The following TRIM9 variants were observed in gnomAD, a reference collection of about 807,000 sequenced individuals.
The protein encoded by TRIM9 is tripartite motif containing 9.
Under a neutral mutation model 78.3 loss-of-function variants are expected in TRIM9, and 26 were observed. The ratio of observed to expected loss-of-function variants is 0.33; its 90% CI spans 0.24 to 0.46. The LOEUF (loss-of-function observed/expected upper bound fraction) is 0.46. Among genes scored for constraint, TRIM9 ranks in the 20% least tolerant of loss-of-function variants. The pLI is 1.00. For synonymous variants in TRIM9, 398 were observed against 416.5 expected (o/e 0.96, Z 0.54); for missense variants, 787 against 1,036.4 (o/e 0.76, Z 3.30).
Position 51,058,188 on chromosome 14 carries a change from G to A in TRIM9, c.823-32828C>T, listed in dbSNP as rs2061039797. 2.6e-5 allele frequency among the ~76,000 whole-genome samples: 4 copies of A among 152,172 alleles called. No individual in the cohort carries two copies. The South Asian group carries it at 8.3e-4, about 32-fold the overall frequency. On this transcript the variant is annotated intron_variant, in intron 1 of 12. Coordinates refer to ENST00000684578, the MANE Select transcript of TRIM9 (RefSeq NM_001387360.1). ...CTAGTCAGTCTCCCAGAGTAGTCCT[G>A]AGAGTGTCCCTGCATTACAGGATGG... is the stretch of plus-strand genomic sequence containing the variant.
intron 1 of TRIM9, among the ~76,000 whole-genome samples, chr14:51,034,032 A>G (rs1055191756): frequency 8.5e-5 from 13 of 152,212 alleles, no homozygotes; most frequent in Non-Finnish European, 1.3e-4. Flanking sequence ...CTCTGACCAT[A>G]ATCTATTAAA....
At chr14:51,024,741 T>C (rs1032900418) in intron 2 of TRIM9, among the ~76,000 whole-genome samples, 4 of 150,674 alleles carry the variant, frequency 2.7e-5, no homozygotes, top group African/African-American at 9.8e-5. Flanking sequence ...AGCATTATTG[T>C]GGGTCAGGGA....
At chr14:50,980,276 A>T (rs1239387302) in intron 11 of TRIM9, among the ~76,000 whole-genome samples, 1 of 152,230 alleles carries the variant, frequency 6.6e-6, no homozygotes, top group Non-Finnish European at 1.5e-5. Context: ...ACCTGCATAC[A>T]AATGCCATTT....
chr14:50,975,307 A>G lies in TRIM9; in HGVS notation c.*1984T>C, dbSNP rs181972423. The stretch of plus-strand genomic sequence containing the variant: ...ATTTATTGGCACATCAGAAATGACA[A>G]TTTTTTCTAGTATAGTAGTTGTATG... On this transcript the variant is annotated 3_prime_UTR_variant, in exon 13 of 13. Transcript: ENST00000684578. The G allele has an allele frequency of 1.3e-5, 2 of 152,638 alleles. No homozygotes were observed. The highest frequency in any genetic ancestry group is 4.8e-5 in the African/African-American group (2 of 41,454). The allele number at this position is 152,638 out of a possible 1,614,324, so 9.5% of individuals were successfully genotyped here. A position where few individuals can be genotyped will look rare whatever the true frequency, so the allele number is the denominator to read the frequency against.
intron 1 of TRIM9, among the ~76,000 whole-genome samples, chr14:51,039,103 C>G (rs1327862330): frequency 6.6e-6 from 1 of 152,156 alleles, no homozygotes; most frequent in Non-Finnish European, 1.5e-5. Flanking sequence ...AACACCGATG[C>G]AAAGATTGGC....
chr14:51,026,393 C>G (rs2058233954), intron 1 of TRIM9, among the ~76,000 whole-genome samples: 1 of 152,134 alleles, frequency 6.6e-6, no homozygotes, highest in Admixed American at 6.5e-5. Context: ...AACTCCTATT[C>G]AAGTCACTGT....
intron 1 of TRIM9, 59 bp downstream of exon 1, chr14:51,094,059 C>G: frequency 6.5e-7 from 1 of 1,534,382 alleles, no homozygotes; most frequent in Admixed American, 1.7e-5. Flanking sequence ...GGACCGTCTG[C>G]TGCAAAACCG....
Position 51,050,442 on chromosome 14 carries a change from T to A in TRIM9, c.823-25082A>T, listed in dbSNP as rs528013102. Reference sequence around the variant, plus strand: ...CATGCCTTTCGCCTTCCACCATGATTGTGAGGCCTCCCCAGCCACGTGGAA... The same window carrying A: ...CATGCCTTTCGCCTTCCACCATGATAGTGAGGCCTCCCCAGCCACGTGGAA... On this transcript the variant is annotated intron_variant, in intron 1 of 12. Transcript: ENST00000684578. Among the ~76,000 whole-genome samples the A allele has an allele frequency of 2.0e-5, 3 of 152,304 alleles. No homozygotes were observed. In the South Asian group the frequency reaches 6.2e-4, roughly 32 times the overall value.
intron 1 of TRIM9, among the ~76,000 whole-genome samples, chr14:51,074,121 C>T (rs2062545486): frequency 6.6e-6 from 1 of 151,956 alleles, no homozygotes; most frequent in Non-Finnish European, 1.5e-5. Flanking sequence ...CAAACATCTG[C>T]ATTTAAAACT....
chr14:51,060,308 C>T (rs994147544), intron 1 of TRIM9, among the ~76,000 whole-genome samples: 40 of 152,174 alleles, frequency 2.6e-4, no homozygotes, highest in Admixed American at 2.2e-3. Context: ...TTAGCTAACC[C>T]TTTACTCCCT....
Position 51,094,947 on chromosome 14 carries a change from G to C in TRIM9, c.-8C>G. 6.9e-7 allele frequency: 1 copy of C among 1,442,376 alleles called. No homozygotes were observed. The highest frequency in any genetic ancestry group is 9.1e-7 in the Non-Finnish European group (1 of 1,095,472). 89.3% of individuals were successfully genotyped at this position (1,442,376 alleles called of 1,614,324 possible). A position where few individuals can be genotyped will look rare whatever the true frequency, so the allele number is the denominator to read the frequency against. On this transcript the variant is annotated 5_prime_UTR_variant, in exon 1 of 13. Coordinates refer to ENST00000684578, the MANE Select transcript of TRIM9 (RefSeq NM_001387360.1). ...CTCTTCCATCTCCTCCATGGGGACCGGTCTGGGAGGAGACAGCGACGGCTG... is the reference window on the plus strand; with the variant it reads ...CTCTTCCATCTCCTCCATGGGGACCCGTCTGGGAGGAGACAGCGACGGCTG...
intron 7 of TRIM9, chr14:50,996,772 T>C: frequency 1.0e-6 from 1 of 985,444 alleles, no homozygotes. Flanking sequence ...GGGGAAGCTG[T>C]AGCTACCACA....
intron 1 of TRIM9, among the ~76,000 whole-genome samples, chr14:51,029,826 T>A (rs2058575980): frequency 6.6e-6 from 1 of 152,026 alleles, no homozygotes; most frequent in Non-Finnish European, 1.5e-5. Flanking sequence ...ACACAAACCC[T>A]CATCTGATGG....
At chr14:51,028,208 C>T (rs2058428099) in intron 1 of TRIM9, among the ~76,000 whole-genome samples, 2 of 151,962 alleles carry the variant, frequency 1.3e-5, no homozygotes, top group African/African-American at 4.8e-5. Context: ...ATGGTCCGTC[C>T]CAAGAATGCC....
chr14:51,024,595 T>TC (rs1463311264), intron 2 of TRIM9, among the ~76,000 whole-genome samples: 6 of 152,262 alleles, frequency 3.9e-5, no homozygotes, highest in Admixed American at 3.9e-4. Flanking sequence ...TTTTTCTCCT[T>TC]CAGCTATAGT....
At chr14:51,078,921 T>C (rs2063053522) in intron 1 of TRIM9, among the ~76,000 whole-genome samples, 1 of 152,190 alleles carries the variant, frequency 6.6e-6, no homozygotes, top group Admixed American at 6.5e-5. Flanking sequence ...AAAAAGTAAC[T>C]AAGTGAGATG....
intron 1 of TRIM9, among the ~76,000 whole-genome samples, chr14:51,059,405 A>G (rs1225869496): frequency 6.6e-6 from 1 of 152,216 alleles, no homozygotes; most frequent in African/African-American, 2.4e-5. Flanking sequence ...TTCTTTCAAC[A>G]TTTACTTTTT....
At chr14:51,068,543 T>C (rs540419438) in intron 1 of TRIM9, among the ~76,000 whole-genome samples, 105 of 152,300 alleles carry the variant, frequency 6.9e-4, no homozygotes, top group African/African-American at 2.4e-3. Context: ...ACCACAACCT[T>C]GTAGAAGTTA....
chr14:51,058,373 G>A (rs1254682142), intron 1 of TRIM9, among the ~76,000 whole-genome samples: 1 of 152,174 alleles, frequency 6.6e-6, no homozygotes, highest in Non-Finnish European at 1.5e-5. Flanking sequence ...TTCTTGGTTG[G>A]GAAGCCTAAA....
Sources: allele counts gnomAD v4.1 joint callset (sites outside exome capture counted in the v4.1 genomes callset), GRCh38; gene constraint gnomAD v4.1.1; transcripts MANE v1.5; gene names NCBI Gene and HGNC (gene_info 2026-07-23, HGNC 2026-07-21).